Variants in IQSEC1 observed in about 807,000 individuals in gnomAD.
IQSEC1 encodes the protein IQ motif and SEC7 domain-containing protein 1.
A neutral mutation model predicts 91.0 loss-of-function variants in IQSEC1; 31 were observed. That is an observed-to-expected ratio of 0.34 (90% CI 0.26 to 0.46). IQSEC1 has a LOEUF of 0.46. Ranked by LOEUF, IQSEC1 falls within the 20% of genes least tolerant of loss-of-function variation. The probability of loss-of-function intolerance (pLI) is 1.00; values close to 1 mark genes in which losing one functional copy is unlikely to be tolerated. For missense variants in IQSEC1, 1,388 were observed against 1,575.6 expected, an observed-to-expected ratio of 0.88 and a Z score of 2.02; for synonymous variants, 699 against 662.6, an observed-to-expected ratio of 1.05 and a Z score of -0.84.
In IQSEC1 at chr3:12,922,286, T is replaced by C; in HGVS notation, c.1731-44A>G. Reference sequence around the variant, plus strand: ...GCCCCGCATAAGCACCCCTTGCAGGTGCGACACGCCCAGCCCACCCCCAGG... The same window carrying C: ...GCCCCGCATAAGCACCCCTTGCAGGCGCGACACGCCCAGCCCACCCCCAGG... On this transcript the variant is annotated intron_variant, in intron 4 of 13. Transcript: ENST00000613206. The surrounding 1 kb of genome is among the most constrained non-coding windows in gnomAD (Gnocchi z 5.1). 2 of 1,495,236 alleles carry C rather than the reference T, an allele frequency of 1.3e-6. 1 individual carries two copies. Among genetic ancestry groups the C allele is most frequent in the South Asian group, 2.6e-5 (2 of 77,440 alleles). The allele number at this position is 1,495,236 out of a possible 1,614,324, so 92.6% of individuals were successfully genotyped here. A position where few individuals can be genotyped will look rare whatever the true frequency, so the allele number is the denominator to read the frequency against.
intron 1 of IQSEC1, among the ~76,000 whole-genome samples, chr3:12,947,563 C>G (rs1186418169): frequency 1.3e-5 from 2 of 152,144 alleles, no homozygotes; most frequent in African/African-American, 2.4e-5. Flanking sequence ...CCAAGCATCC[C>G]CCAAAGCCCT....
chr3:13,279,024 C>A (rs986853600), intron 1 of IQSEC1, among the ~76,000 whole-genome samples: 13 of 152,158 alleles, frequency 8.5e-5, no homozygotes, highest in African/African-American at 2.2e-4. Flanking sequence ...ATGACCTGAC[C>A]AAGGCATAGA....
At position 13,269,074 on chromosome 3, in the gene IQSEC1, C is replaced by T. The variant is rs193162925; in HGVS notation, c.272+13637G>A. On this transcript the variant is annotated intron_variant, in intron 1 of 15. Coordinates refer to the IQSEC1 transcript ENST00000648114. The stretch of plus-strand genomic sequence containing the variant: ...GGTGTGGGCTGGGTATTCCAGGCAG[C>T]GGGAACAGCATGAAGTGTGAAAATG... Among the ~76,000 whole-genome samples the T allele has an allele frequency of 1.6e-4, 24 of 152,310 alleles. No individual in the cohort carries two copies. The East Asian group carries it at 2.5e-3, about 16-fold the overall frequency.
At position 12,899,695 on chromosome 3, in the gene IQSEC1, C is replaced by T; in HGVS notation, c.*1288G>A. On this transcript the variant is annotated 3_prime_UTR_variant, in exon 14 of 14. Coordinates refer to ENST00000613206, the MANE Select transcript of IQSEC1 (RefSeq NM_001134382.3). ...CATGGAATTACGGTGATCACTGCTA[C>T]CACTCAGAAAACAAAACGGGAAACA... The T allele has an allele frequency of 2.0e-6, 2 of 985,414 alleles. No homozygotes were observed. The highest frequency in any genetic ancestry group is 9.4e-5 in the South Asian group (2 of 21,286). 61.0% of individuals were successfully genotyped at this position (985,414 alleles called of 1,614,324 possible).
chr3:13,256,404 T>C (rs1219778189), intron 1 of IQSEC1, among the ~76,000 whole-genome samples: 1 of 152,258 alleles, frequency 6.6e-6, no homozygotes, highest in African/African-American at 2.4e-5. Context: ...TATAATTATA[T>C]GTAACTACAT....
intron 2 of IQSEC1, among the ~76,000 whole-genome samples, chr3:13,086,042 T>G (rs1194182939): frequency 1.3e-5 from 2 of 152,100 alleles, no homozygotes; most frequent in Non-Finnish European, 2.9e-5. Context: ...GCTGGAGGAC[T>G]GAGGTTGCTG....
Position 13,112,585 on chromosome 3 carries a change from TG to T in IQSEC1, c.302+51518del, listed in dbSNP as rs541094582. 6.4e-3 allele frequency among the ~76,000 whole-genome samples: 961 copies of T among 149,806 alleles called. 8 individuals are homozygous for T. Among genetic ancestry groups the T allele is most frequent in the African/African-American group, 0.023 (891 of 39,496 alleles). ...GCTTCCCAGGGAGGGCACTGCGTGC[TG>T]GCCCCCAGGCACCTCTGAGCACCTG... On this transcript the variant is annotated intron_variant, in intron 2 of 15. Coordinates refer to the IQSEC1 transcript ENST00000648114.
At chr3:13,177,940 T>G (rs9831539) in intron 1 of IQSEC1, among the ~76,000 whole-genome samples, 5,002 of 152,298 alleles carry the variant, frequency 0.033, 268 homozygotes, top group African/African-American at 0.11. Context: ...AGAAGCCCCC[T>G]GCATCCCCTA....
chr3:13,168,423 C>T (rs1391840544), intron 1 of IQSEC1, among the ~76,000 whole-genome samples: 2 of 152,172 alleles, frequency 1.3e-5, no homozygotes, highest in Non-Finnish European at 2.9e-5. Flanking sequence ...CTATGCCCGT[C>T]TTCCTCACTT....
intron 1 of IQSEC1, among the ~76,000 whole-genome samples, chr3:13,196,347 G>C (rs1694125388): frequency 6.6e-6 from 1 of 152,216 alleles, no homozygotes; most frequent in South Asian, 2.1e-4. Context: ...GTGGAGCAGA[G>C]GCAAGCCATC....
intron 2 of IQSEC1, among the ~76,000 whole-genome samples, chr3:13,097,604 T>C (rs1211636142): frequency 6.6e-6 from 1 of 152,206 alleles, no homozygotes; most frequent in African/African-American, 2.4e-5. Context: ...CCCGCACTCA[T>C]GCTGTGAACG....
intron 1 of IQSEC1, among the ~76,000 whole-genome samples, chr3:13,277,120 A>C (rs1279673099): frequency 6.7e-6 from 1 of 149,624 alleles, no homozygotes; most frequent in African/African-American, 2.5e-5. Flanking sequence ...AAAAAAAAAA[A>C]AAAAAAAAAA....
chr3:13,192,253 G>A (rs1197105770), intron 1 of IQSEC1, among the ~76,000 whole-genome samples: 1 of 151,914 alleles, frequency 6.6e-6, no homozygotes, highest in Non-Finnish European at 1.5e-5. Context: ...CAGGAAAATG[G>A]CGTGACCCCG....
At chr3:13,130,341 C>CAAAAAAA (rs58162524) in intron 2 of IQSEC1, among the ~76,000 whole-genome samples, 2 of 61,866 alleles carry the variant, frequency 3.2e-5, no homozygotes, top group African/African-American at 4.2e-5. Context: ...GAGACTCTGT[C>CAAAAAAA]AAAAAAAAAA....
At chr3:12,923,276 T>TTGGA (rs57218934) in intron 4 of IQSEC1, among the ~76,000 whole-genome samples, 3,746 of 152,164 alleles carry the variant, frequency 0.025, 60 homozygotes, top group Non-Finnish European at 0.038. Flanking sequence ...AGGGACCGGC[T>TTGGA]TGGAGTGGGG....
intron 8 of IQSEC1, 27 bp from the exon 9 acceptor site, chr3:12,913,580 C>T (rs199682389): frequency 2.1e-4 from 333 of 1,590,700 alleles, no homozygotes; most frequent in Non-Finnish European, 1.6e-4. Context: ...TGTCCTGCCA[C>T]GGCCGCCCAG....
chr3:13,163,368 G>T (rs2124984768), intron 2 of IQSEC1, among the ~76,000 whole-genome samples: 1 of 152,286 alleles, frequency 6.6e-6, no homozygotes, highest in South Asian at 2.1e-4. Flanking sequence ...TGCCAGAGGG[G>T]ACTGGGGGTC....
intron 3 of IQSEC1, among the ~76,000 whole-genome samples, chr3:12,933,168 G>A (rs1266595651): frequency 6.6e-6 from 1 of 152,244 alleles, no homozygotes; most frequent in Non-Finnish European, 1.5e-5. Context: ...CAGGCGCAGG[G>A]CCAAAGAAAG....
intron 1 of IQSEC1, among the ~76,000 whole-genome samples, chr3:13,197,368 A>C (rs3889824): frequency 6.6e-6 from 1 of 152,086 alleles, no homozygotes; most frequent in Non-Finnish European, 1.5e-5. Context: ...TCCCTGCCCC[A>C]CTGGGGCTGA....
Sources: gnomAD v4.1 joint callset for allele counts (sites outside exome capture counted in the v4.1 genomes callset) on GRCh38, gnomAD v4.1.1 for gene constraint, Gnocchi (gnomAD v3.1) non-coding constraint, MANE v1.5 for transcripts, NCBI Gene and HGNC (gene_info 2026-07-23, HGNC 2026-07-21) for gene names.